ZFAT: variants seen among roughly 807,000 people sequenced by gnomAD.
ZFAT encodes the protein zinc finger and AT-hook domain containing.
ZFAT carries 64 observed loss-of-function variants against 117.7 expected under a neutral mutation model. That is an observed-to-expected ratio of 0.54 (90% CI 0.44 to 0.67). ZFAT has a LOEUF of 0.67. Among genes scored for constraint, ZFAT ranks in the 30% least tolerant of loss-of-function variants. ZFAT has a pLI of 0.00. For synonymous variants in ZFAT, 679 were observed against 615.0 expected (o/e 1.10, Z -1.54); for missense variants, 1,433 against 1,584.5 (o/e 0.90, Z 1.62).
At chr8:134,590,706 C>CCAT (rs1826424585) in intron 7 of ZFAT, among the ~76,000 whole-genome samples, 1 of 55,870 alleles carries the variant, frequency 1.8e-5, no homozygotes, top group Non-Finnish European at 3.7e-5. Context: ...AACACCACGA[C>CCAT]CACCATCACC....
the ZFAT span, among the ~76,000 whole-genome samples, chr8:134,722,067 A>T: frequency 3.3e-5 from 5 of 152,338 alleles, no homozygotes; most frequent in Non-Finnish European, 4.4e-5. Flanking sequence ...AGGCCACAGG[A>T]TCTGTCCTCA....
intron 11 of ZFAT, among the ~76,000 whole-genome samples, chr8:134,533,919 C>A (rs1429637198): frequency 6.6e-6 from 1 of 152,178 alleles, no homozygotes; most frequent in African/African-American, 2.4e-5. Flanking sequence ...CCAGCATGCC[C>A]CTGTAATCCA....
chr8:134,546,717 T>C (rs1380257291), intron 11 of ZFAT, among the ~76,000 whole-genome samples: 2 of 152,216 alleles, frequency 1.3e-5, no homozygotes, highest in East Asian at 1.9e-4. Context: ...CAACCCCTAA[T>C]TGGCAGGGGT....
rs113419066 is a variant in ZFAT at position 134,658,778 on chromosome 8, A to C, written c.20-1041T>G. ...GAAGTGGCTTTGTCCACTGAAAAGG[A>C]CAATGGCTTTGGAGCCAAAAGGCCC... On this transcript the variant is annotated intron_variant, in intron 1 of 15. Transcript: ENST00000377838. 7.2e-3 allele frequency among the ~76,000 whole-genome samples: 1,100 copies of C among 152,358 alleles called. 16 individuals carry two copies. Among genetic ancestry groups the C allele is most frequent in the African/African-American group, 0.024 (1,015 of 41,588 alleles).
chr8:134,625,069 G>A (rs925887692), intron 3 of ZFAT, among the ~76,000 whole-genome samples: 6 of 152,214 alleles, frequency 3.9e-5, no homozygotes, highest in Non-Finnish European at 5.9e-5. Flanking sequence ...TAATAAAGCA[G>A]TTTTAATTAT....
chr8:134,593,344 G>C (rs953926608), intron 7 of ZFAT, among the ~76,000 whole-genome samples: 1 of 151,738 alleles, frequency 6.6e-6, no homozygotes, highest in Non-Finnish European at 1.5e-5. Context: ...GGTGGTAAAG[G>C]GTACTGGGCG....
At chr8:134,738,570 AT>A in the ZFAT span, among the ~76,000 whole-genome samples, 2 of 152,208 alleles carry the variant, frequency 1.3e-5, no homozygotes, top group African/African-American at 2.4e-5. Flanking sequence ...CTGAAAAGAT[AT>A]GACTTCGGTA....
the ZFAT span, among the ~76,000 whole-genome samples, chr8:134,743,188 A>G: frequency 2.6e-5 from 4 of 152,234 alleles, no homozygotes; most frequent in Non-Finnish European, 5.9e-5. Flanking sequence ...GCAAAGGCCA[A>G]TCTAAATTAA....
intron 1 of ZFAT, among the ~76,000 whole-genome samples, chr8:134,666,540 G>A (rs1370785627): frequency 6.6e-6 from 1 of 152,128 alleles, no homozygotes; most frequent in African/African-American, 2.4e-5. Flanking sequence ...TCACAAAAAT[G>A]ACTTCATGAT....
intron 7 of ZFAT, chr8:134,599,388 T>A (rs1389791030): frequency 9.4e-6 from 2 of 212,720 alleles, no homozygotes; most frequent in Admixed American, 1.1e-4. Flanking sequence ...CACATCTGTA[T>A]ATGTGTGTAT....
At chr8:134,782,692 C>T in the ZFAT span, among the ~76,000 whole-genome samples, 1 of 152,036 alleles carries the variant, frequency 6.6e-6, no homozygotes, top group Non-Finnish European at 1.5e-5. Context: ...TTTTCATTCT[C>T]TTGTCTGCTG....
chr8:134,777,435 G>C, the ZFAT span, among the ~76,000 whole-genome samples: 1 of 152,310 alleles, frequency 6.6e-6, no homozygotes, highest in East Asian at 1.9e-4. Context: ...GGAAAGAATA[G>C]ATAACTAAGT....
chr8:134,831,446 T>C, the ZFAT span, among the ~76,000 whole-genome samples: 2 of 152,182 alleles, frequency 1.3e-5, no homozygotes, highest in African/African-American at 4.8e-5. Context: ...GCCCTGGTGC[T>C]ACACACAGGC....
Position 134,478,321 on chromosome 8 carries a change from C to G in ZFAT, c.*161G>C. Reference sequence around the variant, plus strand: ...ATTGCTGGTGATGCTGACTGCCTTGCCCACCCCAAGTTGGACTAGGAGAGT... The same window carrying G: ...ATTGCTGGTGATGCTGACTGCCTTGGCCACCCCAAGTTGGACTAGGAGAGT... On this transcript the variant is annotated 3_prime_UTR_variant, in exon 16 of 16. Transcript: ENST00000377838. The surrounding 1 kb of genome is among the most constrained non-coding windows in gnomAD (Gnocchi z 5.2). The G allele has an allele frequency of 9.3e-7, 1 of 1,071,706 alleles. No homozygotes were observed. The highest frequency in any genetic ancestry group is 1.3e-6 in the Non-Finnish European group (1 of 765,498). The allele number at this position is 1,071,706 out of a possible 1,614,324, so 66.4% of individuals were successfully genotyped here. A position where few individuals can be genotyped will look rare whatever the true frequency, so the allele number is the denominator to read the frequency against.
At chr8:134,823,812 G>T in the ZFAT span, among the ~76,000 whole-genome samples, 3 of 152,142 alleles carry the variant, frequency 2.0e-5, no homozygotes, top group South Asian at 6.2e-4. Context: ...TAAGCCATTA[G>T]AATCTAATAT....
At chr8:134,663,220 A>T (rs1245914993) in intron 1 of ZFAT, among the ~76,000 whole-genome samples, 1 of 152,250 alleles carries the variant, frequency 6.6e-6, no homozygotes, top group African/African-American at 2.4e-5. Flanking sequence ...GCAGTGGACA[A>T]ATCCTGACAC....
chr8:134,803,073 A>G, the ZFAT span, among the ~76,000 whole-genome samples: 1 of 152,244 alleles, frequency 6.6e-6, no homozygotes, highest in Non-Finnish European at 1.5e-5. Flanking sequence ...AACAAATGTT[A>G]CATAACACAG....
intron 15 of ZFAT, among the ~76,000 whole-genome samples, chr8:134,492,899 C>T (rs2130155248): frequency 6.6e-6 from 1 of 152,302 alleles, no homozygotes; most frequent in Non-Finnish European, 1.5e-5. Context: ...GAGATATTCA[C>T]AGGCAGGAAG....
the ZFAT span, chr8:134,766,651 C>T: frequency 6.6e-6 from 1 of 152,208 alleles, no homozygotes; most frequent in African/African-American, 2.4e-5. Flanking sequence ...ATGTGTGGTG[C>T]TGTACAACTA....
Sources: gnomAD v4.1 joint callset for allele counts (sites outside exome capture counted in the v4.1 genomes callset) on GRCh38, gnomAD v4.1.1 for gene constraint, Gnocchi (gnomAD v3.1) non-coding constraint, MANE v1.5 for transcripts, NCBI Gene and HGNC (gene_info 2026-07-23, HGNC 2026-07-21) for gene names.